PHF20: variants seen among roughly 807,000 people sequenced by gnomAD.
PHF20 encodes the protein PHD finger protein 20.
PHF20 carries 23 observed loss-of-function variants against 113.5 expected under a neutral mutation model. That is an observed-to-expected ratio of 0.20 (90% CI 0.15 to 0.29). The LOEUF (loss-of-function observed/expected upper bound fraction) is 0.29, where lower values mean the gene tolerates loss of function less well. Ranked by LOEUF, PHF20 falls within the 10% of genes least tolerant of loss-of-function variation. The pLI, the probability that PHF20 is intolerant of heterozygous loss-of-function variation, is 1.00. For synonymous variants in PHF20, 434 were observed against 457.3 expected, an observed-to-expected ratio of 0.95 and a Z score of 0.65; for missense variants, 943 against 1,219.6, an observed-to-expected ratio of 0.77 and a Z score of 3.38.
At chr20:35,797,193 A>G (rs1007201223) in intron 1 of PHF20, among the ~76,000 whole-genome samples, 8 of 152,014 alleles carry the variant, frequency 5.3e-5, no homozygotes, top group African/African-American at 1.9e-4. Flanking sequence ...ACCTGGCCAA[A>G]AATTTGCATA....
rs145409038 is a variant in PHF20, at chr20:35,899,426, G to A, written c.1339G>A (p.Asp447Asn). 21 of 1,613,864 alleles carry A rather than the reference G, an allele frequency of 1.3e-5. No homozygotes were observed. In the African/African-American group the frequency reaches 1.6e-4, roughly 12 times the overall value. ...TGGGTCATCTAATGCACCAGCTGTC[G>A]ACCTAGACCATAAGTTTAGATGCAA... Reference protein sequence around the residue: ...DFGSSNAPAVDLDHKFRCKVV... With the variant: ...DFGSSNAPAVNLDHKFRCKVV... Residue 447 changes from aspartate (D) to asparagine (N), a missense_variant, in exon 10 of 18, where the codon GAC (aspartate) becomes AAC (asparagine). By Grantham distance (23) the Asp-to-Asn change is conservative. Around this residue, in one of 3 missense-constraint regions of PHF20, gnomAD observed 592 missense variants for 787.2 expected, o/e 0.75. Transcript: ENST00000374012.
chr20:35,913,169 C>G (rs1221033112), intron 10 of PHF20, 80 bp from the exon 11 acceptor site: 4 of 996,720 alleles, frequency 4.0e-6, no homozygotes, highest in Admixed American at 2.0e-5. Flanking sequence ...ACCCATCGGA[C>G]ATGCTTGCTT....
chr20:35,787,732 A>G (rs939652280), intron 1 of PHF20, among the ~76,000 whole-genome samples: 5 of 146,754 alleles, frequency 3.4e-5, no homozygotes, highest in East Asian at 3.9e-4. Flanking sequence ...CTGCCTCTCA[A>G]AGTGCTGGGA....
At position 35,891,293 on chromosome 20, in the gene PHF20, C is replaced by T. The variant is rs1232739070; in HGVS notation, c.1283-8077C>T. ...TTGGGAGGCTGAGGCAGAAGAATCG[C>T]TTGAACCCAGGAGGCGGAGGTTGCA... On this transcript the variant is annotated intron_variant, in intron 9 of 17. Coordinates refer to ENST00000374012, the MANE Select transcript of PHF20 (RefSeq NM_016436.5). Among the ~76,000 whole-genome samples, 10 of 151,230 alleles carry T rather than the reference C, an allele frequency of 6.6e-5. No individual in the cohort carries two copies. In the East Asian group the frequency reaches 1.8e-3, roughly 27 times the overall value.
At chr20:35,915,941 C>A (rs2055395401) in intron 12 of PHF20, among the ~76,000 whole-genome samples, 1 of 152,020 alleles carries the variant, frequency 6.6e-6, no homozygotes, top group South Asian at 2.1e-4. Flanking sequence ...TCAAGACCAG[C>A]CTGGGCAACA....
intron 9 of PHF20, among the ~76,000 whole-genome samples, chr20:35,894,267 A>G (rs1026787128): frequency 6.6e-6 from 1 of 152,250 alleles, no homozygotes. Context: ...CAGAAATAAC[A>G]TAAGCCTGCT....
intron 2 of PHF20, among the ~76,000 whole-genome samples, chr20:35,830,100 G>A (rs566981564): frequency 2.0e-4 from 30 of 151,996 alleles, no homozygotes; most frequent in Non-Finnish European, 3.7e-4. Context: ...TTTTAGTAGA[G>A]ACGGGGTTTC....
chr20:35,874,568 G>A (rs1020057440), intron 9 of PHF20, among the ~76,000 whole-genome samples: 3 of 151,764 alleles, frequency 2.0e-5, no homozygotes, highest in Admixed American at 2.0e-4. Flanking sequence ...AGAGCAGCCT[G>A]GACCTCCTGG....
chr20:35,820,230 T>C (rs2042144453), intron 2 of PHF20, among the ~76,000 whole-genome samples: 1 of 152,158 alleles, frequency 6.6e-6, no homozygotes, highest in African/African-American at 2.4e-5. Context: ...GTTAATTTCA[T>C]ATGTGGGAAT....
chr20:35,873,790 A>G (rs2146995995), intron 9 of PHF20, among the ~76,000 whole-genome samples: 1 of 152,124 alleles, frequency 6.6e-6, no homozygotes, highest in South Asian at 2.1e-4. Context: ...TTTTAGCTGT[A>G]TTTCTAGCAT....
chr20:35,937,335 A>G (rs895667449), intron 15 of PHF20, among the ~76,000 whole-genome samples: 1 of 151,866 alleles, frequency 6.6e-6, no homozygotes, highest in African/African-American at 2.4e-5. Context: ...GGGCATGGTG[A>G]CGCATGCCTG....
At chr20:35,817,827 G>T (rs1195243359) in intron 2 of PHF20, among the ~76,000 whole-genome samples, 1 of 151,652 alleles carries the variant, frequency 6.6e-6, no homozygotes, top group Non-Finnish European at 1.5e-5. Flanking sequence ...TTATTTTTTG[G>T]CCAGGTGTTG....
intron 1 of PHF20, chr20:35,782,257 G>GTTTTTTTTTTTTTTTTTTTTT: frequency 1.6e-5 from 1 of 64,144 alleles, no homozygotes. Flanking sequence ...TCTTTTTCTT[G>GTTTTTTTTTTTTTTTTTTTTT]TTTTGTTTTT....
intron 1 of PHF20, among the ~76,000 whole-genome samples, chr20:35,783,952 T>A (rs62211713): frequency 0.73 from 110,355 of 151,788 alleles, 40,807 homozygotes; most frequent in East Asian, 0.82. Context: ...GCCATTGCAC[T>A]CTAGCCTGGG....
chr20:35,801,418 A>T, intron 1 of PHF20, 73 bp from the exon 2 acceptor site: 1 of 695,756 alleles, frequency 1.4e-6, no homozygotes, highest in Non-Finnish European at 2.5e-6. Context: ...CTGTTTTTTT[A>T]TGTGTAGTGA....
intron 1 of PHF20, among the ~76,000 whole-genome samples, chr20:35,793,995 C>CAAAAAAAAAAAAAAAAAAAAAAA (rs56189104): frequency 8.9e-5 from 3 of 33,840 alleles, no homozygotes; most frequent in African/African-American, 2.5e-4. Flanking sequence ...GACTCTGTCT[C>CAAAAAAAAAAAAAAAAAAAAAAA]AAAAAAAAAA....
chr20:35,857,269 G>A (rs2042848019), intron 4 of PHF20, among the ~76,000 whole-genome samples: 1 of 152,142 alleles, frequency 6.6e-6, no homozygotes, highest in African/African-American at 2.4e-5. Context: ...TGTTGTTTGG[G>A]TACAACTAAT....
chr20:35,935,155 T>C (rs2055840668), intron 15 of PHF20, among the ~76,000 whole-genome samples: 1 of 152,052 alleles, frequency 6.6e-6, no homozygotes, highest in Admixed American at 6.6e-5. Context: ...CATATTTCTT[T>C]TATTTTTATT....
chr20:35,893,311 G>T (rs1568720559), intron 9 of PHF20, among the ~76,000 whole-genome samples: 1 of 151,564 alleles, frequency 6.6e-6, no homozygotes, highest in African/African-American at 2.4e-5. Context: ...GTTTGGCCAT[G>T]ACTTTTTTTT....
Sources: gnomAD v4.1 joint callset for allele counts (sites outside exome capture counted in the v4.1 genomes callset) on GRCh38, gnomAD v4.1.1 for gene constraint, gnomAD v4.1.1 regional missense constraint, MANE v1.5 for transcripts, NCBI Gene and HGNC (gene_info 2026-07-23, HGNC 2026-07-21) for gene names.